SERPINF1: variants seen among roughly 807,000 people sequenced by gnomAD.
SERPINF1 encodes pigment epithelium-derived factor.
Under a neutral mutation model 37.3 loss-of-function variants are expected in SERPINF1, and 29 were observed. That is an observed-to-expected ratio of 0.78 (90% CI 0.58 to 1.06). SERPINF1 has a LOEUF of 1.06. Among genes scored for constraint, SERPINF1 ranks in the 50% least tolerant of loss-of-function variants. The probability of loss-of-function intolerance (pLI) is 0.00; values close to 1 mark genes in which losing one functional copy is unlikely to be tolerated. For missense variants in SERPINF1, 553 were observed against 532.2 expected, an observed-to-expected ratio of 1.04 and a Z score of -0.38; for synonymous variants, 281 against 227.9, an observed-to-expected ratio of 1.23 and a Z score of -2.10.
intron 5 of SERPINF1, among the ~76,000 whole-genome samples, chr17:1,772,774 C>T (rs1907828566): frequency 6.9e-6 from 1 of 145,590 alleles, no homozygotes; most frequent in South Asian, 2.2e-4. Context: ...TCTCGATCTC[C>T]TGACCTCGTG....
chr17:1,765,408 G>A (rs911204387), intron 1 of SERPINF1, among the ~76,000 whole-genome samples: 2 of 151,714 alleles, frequency 1.3e-5, no homozygotes, highest in South Asian at 2.1e-4. Flanking sequence ...TGCAACCTCT[G>A]CCTCCCAGGT....
intron 5 of SERPINF1, among the ~76,000 whole-genome samples, chr17:1,773,742 G>A (rs1189652452): frequency 1.3e-5 from 2 of 152,174 alleles, no homozygotes; most frequent in African/African-American, 2.4e-5. Flanking sequence ...GGTGGCCAAC[G>A]ACATCCTTCT....
chr17:1,769,676 C>T, intron 2 of SERPINF1, 176 bp from the exon 3 acceptor site: 1 of 694,712 alleles, frequency 1.4e-6, no homozygotes, highest in Non-Finnish European at 2.6e-6. Flanking sequence ...CCACAGAGAG[C>T]TCATGCGTGA....
At chr17:1,776,236 C>T (rs945529196) in intron 6 of SERPINF1, among the ~76,000 whole-genome samples, 1 of 152,124 alleles carries the variant, frequency 6.6e-6, no homozygotes. Flanking sequence ...AAAATAAAGA[C>T]CTGAAATTCA....
intron 1 of SERPINF1, chr17:1,766,674 G>A: frequency 1.8e-6 from 1 of 560,014 alleles, no homozygotes; most frequent in South Asian, 2.3e-5. Flanking sequence ...ATGACTGTGG[G>A]CCCTGAGGCA....
At chr17:1,763,868 A>G (rs1182413425) in intron 1 of SERPINF1, among the ~76,000 whole-genome samples, 1 of 152,228 alleles carries the variant, frequency 6.6e-6, no homozygotes, top group South Asian at 2.1e-4. Flanking sequence ...GTCCATTTGA[A>G]TTGTGACTTT....
At chr17:1,763,770 C>T (rs371195254) in intron 1 of SERPINF1, among the ~76,000 whole-genome samples, 1 of 152,282 alleles carries the variant, frequency 6.6e-6, no homozygotes, top group South Asian at 2.1e-4. Context: ...CTCACCTCAG[C>T]CTACCCACAT....
chr17:1,767,083 A>C, intron 2 of SERPINF1, 89 bp downstream of exon 2: 1 of 1,164,180 alleles, frequency 8.6e-7, no homozygotes, highest in Non-Finnish European at 1.2e-6. Context: ...ACCCGGACCC[A>C]GGTTCCAGGC....
intron 5 of SERPINF1, among the ~76,000 whole-genome samples, chr17:1,774,034 C>T (rs947834397): frequency 4.5e-4 from 68 of 152,178 alleles, no homozygotes; most frequent in African/African-American, 1.6e-3. Context: ...TGGCCATCAG[C>T]TGGCTTCCAG....
chr17:1,766,989 G>A lies in SERPINF1; in HGVS notation c.79G>A (p.Glu27Lys). The A allele has an allele frequency of 2.6e-6, 4 of 1,553,664 alleles. No homozygotes were observed. Among genetic ancestry groups the A allele is most frequent in the Non-Finnish European group, 3.5e-6 (4 of 1,148,216 alleles). ...CTGCCAGAACCCTGCCAGCCCCCCG[G>A]AGGAGGTCAGTAGGCAGGCGGGGAG... ...SSCQNPASPPEEGSPDPDSTG... is the reference protein window; with the variant it reads ...SSCQNPASPPKEGSPDPDSTG... The change falls in exon 2 of 8, where the codon GAG (glutamate) becomes AAG (lysine). Residue 27 changes from glutamate (E) to lysine (K), a missense_variant. Transcript: ENST00000254722.
In SERPINF1 at chr17:1,775,146, G is replaced by A; in HGVS notation, c.732G>A (p.Met244Ile). Residue 244 changes from methionine (M) to isoleucine (I), a missense_variant, in exon 6 of 8, where the codon ATG becomes ATA. Physicochemically the swap from Met to Ile is conservative, Grantham distance 10. Coordinates refer to ENST00000254722, the MANE Select transcript of SERPINF1 (RefSeq NM_002615.7). ...DEERTVRVPMMSDPKAVLRYG... is the reference protein window; with the variant it reads ...DEERTVRVPMISDPKAVLRYG... ...AGAGGACCGTGAGGGTCCCCATGAT[G>A]TCGGACCCTAAGGCTGTTTTACGCT... is the stretch of plus-strand genomic sequence containing the variant. The A allele has an allele frequency of 6.2e-7, 1 of 1,614,012 alleles. No individual in the cohort carries two copies. The highest frequency in any genetic ancestry group is 1.1e-5 in the South Asian group (1 of 91,076).
At chr17:1,769,295 G>C (rs982225267) in intron 2 of SERPINF1, among the ~76,000 whole-genome samples, 9 of 151,896 alleles carry the variant, frequency 5.9e-5, no homozygotes, top group Non-Finnish European at 1.0e-4. Flanking sequence ...TGTAGTCCCA[G>C]CTACTCGGGA....
intron 6 of SERPINF1, 84 bp from the exon 7 acceptor site, chr17:1,776,448 G>A: frequency 2.4e-6 from 3 of 1,248,960 alleles, no homozygotes; most frequent in Non-Finnish European, 3.5e-6. Flanking sequence ...CCCGTCACGG[G>A]AGAGGGAAGG....
rs1804146 is a variant in SERPINF1 at position 1,777,470 on chromosome 17, C to T, written c.*24C>T. 6.2e-7 allele frequency: 1 copy of T among 1,613,876 alleles called. No individual in the cohort carries two copies. The highest frequency in any genetic ancestry group is 8.5e-7 in the Non-Finnish European group (1 of 1,180,020). On this transcript the variant is annotated 3_prime_UTR_variant, in exon 8 of 8. Transcript: ENST00000254722. The stretch of plus-strand genomic sequence containing the variant: ...AATATCCCAGTTTAATATTCCAATA[C>T]CCTAGAAGAAAACCCGAGGGACAGC...
In SERPINF1 at chr17:1,771,062, G is replaced by C. The variant is rs148872301; in HGVS notation, c.317G>C (p.Arg106Pro). Residue 106 changes from arginine to proline, a missense_variant, in exon 4 of 8, where the codon CGG becomes CCG. By Grantham distance (103) the Arg-to-Pro change is moderately radical. Coordinates refer to ENST00000254722, the MANE Select transcript of SERPINF1 (RefSeq NM_002615.7). ...AEQRTESIIH[R>P]ALYYDLISSP... Reference sequence around the variant, plus strand: ...CAGCGAACAGAATCCATCATTCACCGGGCTCTCTACTATGACTTGATCAGC... The same window carrying C: ...CAGCGAACAGAATCCATCATTCACCCGGCTCTCTACTATGACTTGATCAGC... The C allele has an allele frequency of 6.2e-7, 1 of 1,613,902 alleles. No homozygotes were observed. Among genetic ancestry groups the C allele is most frequent in the Non-Finnish European group, 8.5e-7 (1 of 1,179,982 alleles).
intron 1 of SERPINF1, 67 bp from the exon 2 acceptor site, chr17:1,766,836 A>G (rs1285182229): frequency 6.8e-7 from 1 of 1,470,714 alleles, no homozygotes; most frequent in Non-Finnish European, 9.3e-7. Context: ...TGGGGTGGCC[A>G]GGAAGGGGTA....
chr17:1,768,030 C>G (rs1170352915), intron 2 of SERPINF1, among the ~76,000 whole-genome samples: 1 of 151,844 alleles, frequency 6.6e-6, no homozygotes, highest in Non-Finnish European at 1.5e-5. Context: ...TAGTGAGACC[C>G]CTGTCTCTAC....
chr17:1,772,367 C>T (rs932617983), intron 5 of SERPINF1, among the ~76,000 whole-genome samples: 4 of 152,024 alleles, frequency 2.6e-5, no homozygotes, highest in African/African-American at 9.7e-5. Context: ...CTGCCCGCCT[C>T]AGCCTCCCAA....
Position 1,769,787 on chromosome 17 carries a change from A to G in SERPINF1, c.85-65A>G, listed in dbSNP as rs1163409903. ...CACCACCCTACACAAAGCCGTGAGGAGACAGTCCCTGTGCATCTCTGCGAG... is the reference window on the plus strand; with the variant it reads ...CACCACCCTACACAAAGCCGTGAGGGGACAGTCCCTGTGCATCTCTGCGAG... On this transcript the variant is annotated intron_variant, in intron 2 of 7. Transcript: ENST00000254722. The G allele has an allele frequency of 3.9e-6, 6 of 1,555,946 alleles. No homozygotes were observed. In the African/African-American group the frequency reaches 6.8e-5, roughly 18 times the overall value.
Sources: gnomAD v4.1 joint callset for allele counts (sites outside exome capture counted in the v4.1 genomes callset) on GRCh38, gnomAD v4.1.1 for gene constraint, MANE v1.5 for transcripts, NCBI Gene and HGNC (gene_info 2026-07-23, HGNC 2026-07-21) for gene names.